PDS5A: variants seen among roughly 807,000 people sequenced by gnomAD.
PDS5A encodes PDS5 cohesin associated factor A, also known as sister chromatid cohesion protein PDS5 homolog A.
A neutral mutation model predicts 167.1 loss-of-function variants in PDS5A; 42 were observed. That is an observed-to-expected ratio of 0.25 (90% CI 0.20 to 0.33). The LOEUF is 0.33. Among genes scored for constraint, PDS5A ranks in the 10% least tolerant of loss-of-function variants. The pLI is 1.00. For missense variants in PDS5A, 1,033 were observed against 1,605.9 expected, an observed-to-expected ratio of 0.64 and a Z score of 6.10; for synonymous variants, 553 against 554.6, an observed-to-expected ratio of 1.00 and a Z score of 0.04.
chr4:39,944,137 C>A (rs1578795346), intron 2 of PDS5A, among the ~76,000 whole-genome samples: 2 of 145,052 alleles, frequency 1.4e-5, no homozygotes, highest in Admixed American at 1.4e-4. Flanking sequence ...CGAGATCACA[C>A]CACTGCAGTC....
intron 21 of PDS5A, among the ~76,000 whole-genome samples, chr4:39,869,849 G>A (rs1030654536): frequency 4.6e-5 from 7 of 152,146 alleles, no homozygotes; most frequent in African/African-American, 1.7e-4. Flanking sequence ...GGTCAAGCCT[G>A]TAATCCCAGC....
intron 26 of PDS5A, among the ~76,000 whole-genome samples, chr4:39,860,268 C>T (rs1366670511): frequency 1.3e-5 from 2 of 151,812 alleles, no homozygotes; most frequent in Non-Finnish European, 2.9e-5. Context: ...GTTGGGAGAC[C>T]AGCCTGGGCA....
chr4:39,916,771 C>G (rs1489947488), intron 8 of PDS5A, among the ~76,000 whole-genome samples: 1 of 151,882 alleles, frequency 6.6e-6, no homozygotes, highest in African/African-American at 2.4e-5. Flanking sequence ...GAGGCTGAGG[C>G]AGAAGAATCG....
At chr4:39,958,604 T>C (rs1056933669) in intron 2 of PDS5A, among the ~76,000 whole-genome samples, 2 of 87,014 alleles carry the variant, frequency 2.3e-5, no homozygotes, top group Non-Finnish European at 5.7e-5. Flanking sequence ...TCATTTCTTG[T>C]CTTTTTTTTT....
chr4:39,947,467 G>C (rs1164648922), intron 2 of PDS5A, among the ~76,000 whole-genome samples: 2 of 152,040 alleles, frequency 1.3e-5, no homozygotes, highest in African/African-American at 4.8e-5. Flanking sequence ...AAAAAAGAGA[G>C]AGGAAACATG....
At chr4:39,895,110 C>A (rs1476506389) in intron 16 of PDS5A, among the ~76,000 whole-genome samples, 2 of 151,106 alleles carry the variant, frequency 1.3e-5, no homozygotes, top group Non-Finnish European at 2.9e-5. Flanking sequence ...GCCTGTAGTC[C>A]CAGCTACTCG....
rs1717436915 is a variant in PDS5A at position 39,844,802 on chromosome 4, C to T, written c.3403-1G>A. Reference sequence around the variant, plus strand: ...CACCTAGTACTCCAGCAGGCTTTGGCTAAAAACAAAAACAAAAAACCCCCC... The same window carrying T: ...CACCTAGTACTCCAGCAGGCTTTGGTTAAAAACAAAAACAAAAAACCCCCC... On this transcript the variant is annotated splice_acceptor_variant, in intron 29 of 32. Coordinates refer to ENST00000303538, the MANE Select transcript of PDS5A (RefSeq NM_001100399.2). LOFTEE classifies it high-confidence loss of function. The T allele has an allele frequency of 6.3e-7, 1 of 1,589,792 alleles. No homozygotes were observed. The highest frequency in any genetic ancestry group is 1.9e-5 in the Admixed American group (1 of 51,712).
intron 26 of PDS5A, among the ~76,000 whole-genome samples, chr4:39,855,388 T>C (rs1446480519): frequency 6.6e-6 from 1 of 152,166 alleles, no homozygotes; most frequent in South Asian, 2.1e-4. Flanking sequence ...ACCAGATTTT[T>C]AGAGTTATCA....
rs1238458478 is a variant in PDS5A at position 39,885,311 on chromosome 4, GA to G, written c.1886+4937del. Among the ~76,000 whole-genome samples, 4 of 140,528 alleles carry G rather than the reference GA, an allele frequency of 2.8e-5. No homozygotes were observed. The South Asian group carries it at 9.2e-4, about 32-fold the overall frequency. 92.2% of individuals were successfully genotyped at this position (140,528 alleles called of 152,430 possible). On this transcript the variant is annotated intron_variant, in intron 17 of 32. Coordinates refer to ENST00000303538, the MANE Select transcript of PDS5A (RefSeq NM_001100399.2). Reference sequence around the variant, plus strand: ...AAAGAAAGGAGAAGAGAAGAGAAGAGAAAAAAAACTTCGGCATGGTGGCTCA... The same window carrying G: ...AAAGAAAGGAGAAGAGAAGAGAAGAGAAAAAAACTTCGGCATGGTGGCTCA...
intron 19 of PDS5A, among the ~76,000 whole-genome samples, 164 bp from the exon 20 acceptor site, chr4:39,874,576 C>T (rs1392222002): frequency 2.0e-5 from 3 of 151,966 alleles, no homozygotes; most frequent in Non-Finnish European, 4.4e-5. Flanking sequence ...ATCTCTGCCC[C>T]CAAGTATAAA....
At chr4:39,956,321 A>G (rs1053532482) in intron 2 of PDS5A, among the ~76,000 whole-genome samples, 2 of 150,540 alleles carry the variant, frequency 1.3e-5, no homozygotes, top group Non-Finnish European at 3.0e-5. Context: ...CTGAAACCCT[A>G]TGTTTACCAA....
chr4:39,943,637 AAAAT>A (rs1727445296), intron 2 of PDS5A, among the ~76,000 whole-genome samples: 1 of 150,964 alleles, frequency 6.6e-6, no homozygotes, highest in Admixed American at 6.6e-5. Flanking sequence ...AAAAAAAAAA[AAAAT>A]ACAAAAAATA....
chr4:39,846,150 A>G (rs1717572471), intron 28 of PDS5A: 1 of 211,328 alleles, frequency 4.7e-6, no homozygotes, highest in Non-Finnish European at 9.2e-6. Flanking sequence ...ACATGTTTTC[A>G]TACGGTTCAA....
rs1335253472 is a variant in PDS5A, at chr4:39,866,776, T to G, written c.2642+85A>C. On this transcript the variant is annotated intron_variant, in intron 23 of 32. Coordinates refer to ENST00000303538, the MANE Select transcript of PDS5A (RefSeq NM_001100399.2). ...GAAGATCATGGTGTAATTACACCATTCAGTATTCATTAGGTAAATAATTCC... is the reference window on the plus strand; with the variant it reads ...GAAGATCATGGTGTAATTACACCATGCAGTATTCATTAGGTAAATAATTCC... The G allele has an allele frequency of 2.6e-6, 3 of 1,167,734 alleles. No homozygotes were observed. The East Asian group carries it at 7.1e-5, about 28-fold the overall frequency. The allele number at this position is 1,167,734 out of a possible 1,614,324, so 72.3% of individuals were successfully genotyped here.
intron 2 of PDS5A, among the ~76,000 whole-genome samples, chr4:39,938,087 C>T (rs1001194238): frequency 3.9e-5 from 6 of 152,194 alleles, no homozygotes; most frequent in Non-Finnish European, 7.3e-5. Context: ...TGAGCTGTAA[C>T]CAATTCACCT....
chr4:39,879,780 T>G lies in PDS5A; in HGVS notation c.1940A>C (p.Glu647Ala). The G allele has an allele frequency of 6.2e-7, 1 of 1,612,280 alleles. No individual in the cohort carries two copies. The highest frequency in any genetic ancestry group is 8.5e-7 in the Non-Finnish European group (1 of 1,178,430). ...KSIEGTADDE[E>A]EGVSPDTAIR... Reference sequence around the variant, plus strand: ...AGCTGTATCTGGACTTACACCCTCCTCTTCATCATCTGCTGTCCCCTCTAT... The same window carrying G: ...AGCTGTATCTGGACTTACACCCTCCGCTTCATCATCTGCTGTCCCCTCTAT... The change falls in exon 18 of 33, where the codon GAG (glutamate) becomes GCG (alanine). Residue 647 changes from glutamate to alanine, a missense_variant. Glu to Ala is a moderately radical substitution (Grantham distance 107). This residue lies in a region of PDS5A where 367 missense variants were observed against 686.7 expected (regional missense o/e 0.53). Transcript: ENST00000303538.
In PDS5A at chr4:39,976,446, G is replaced by A; in HGVS notation, c.132C>T (p.Arg44=). Residue 44 remains arginine, a synonymous_variant, in exon 2 of 33, where the codon CGC becomes CGT. Transcript: ENST00000303538. ...DKITTDEMIK[R]LKMVVKTFMD... ...AATCCGTCCAGACACTTACCTTCAG[G>A]CGTTTGATCATCTCGTCCGTGGTGA... 3 of 1,612,196 alleles carry A rather than the reference G, an allele frequency of 1.9e-6. No homozygotes were observed. The highest frequency in any genetic ancestry group is 2.5e-6 in the Non-Finnish European group (3 of 1,178,550).
chr4:39,907,147 T>A (rs1723448382), intron 11 of PDS5A, among the ~76,000 whole-genome samples: 1 of 152,126 alleles, frequency 6.6e-6, no homozygotes, highest in Admixed American at 6.6e-5. Flanking sequence ...TGAAACTTTT[T>A]AAATGGGGGA....
At chr4:39,973,747 C>T (rs572988616) in intron 2 of PDS5A, 8 of 1,290,740 alleles carry the variant, frequency 6.2e-6, no homozygotes, top group African/African-American at 4.4e-5. Context: ...GGCAAGTGTA[C>T]GAGCTGTGCC....
Sources: allele counts gnomAD v4.1 joint callset (sites outside exome capture counted in the v4.1 genomes callset), GRCh38; gene constraint gnomAD v4.1.1; regional missense constraint gnomAD v4.1.1; transcripts MANE v1.5; gene names NCBI Gene and HGNC (gene_info 2026-07-23, HGNC 2026-07-21).